SPATA13: variants seen among roughly 807,000 people sequenced by gnomAD.
SPATA13 encodes spermatogenesis associated 13, also known as spermatogenesis-associated protein 13.
Under a neutral mutation model 104.0 loss-of-function variants are expected in SPATA13, and 50 were observed. That is an observed-to-expected ratio of 0.48 (90% confidence interval 0.38 to 0.61). SPATA13 has a LOEUF of 0.61. Ranked by LOEUF, SPATA13 falls within the 20% of genes least tolerant of loss-of-function variation. SPATA13 has a pLI of 0.00. For missense variants in SPATA13, 1,524 were observed against 1,690.6 expected (o/e 0.90, Z 1.73); for synonymous variants, 606 against 667.5 (o/e 0.91, Z 1.42).
intron 2 of SPATA13, among the ~76,000 whole-genome samples, chr13:24,241,646 G>C (rs1425906051): frequency 6.6e-6 from 1 of 152,228 alleles, no homozygotes; most frequent in Non-Finnish European, 1.5e-5. Flanking sequence ...CCCACCTGGT[G>C]GTTGGCCCCG....
At chr13:24,108,008 G>A (rs1466333069) in intron 3 of SPATA13, among the ~76,000 whole-genome samples, 1 of 152,196 alleles carries the variant, frequency 6.6e-6, no homozygotes, top group Non-Finnish European at 1.5e-5. Context: ...TCTCAGTTCT[G>A]GAGTCTGGGA....
chr13:24,244,851 G>A lies in SPATA13; in HGVS notation c.1654-4626G>A, dbSNP rs188795141. ...GCCTGGGCAACAGAGTGAGACTGTCGCAAAATAAATAAATAAAATAAAATA... is the reference window on the plus strand; with the variant it reads ...GCCTGGGCAACAGAGTGAGACTGTCACAAAATAAATAAATAAAATAAAATA... On this transcript the variant is annotated intron_variant, in intron 2 of 12. Transcript: ENST00000382108. 1.2e-3 allele frequency among the ~76,000 whole-genome samples: 178 copies of A among 152,272 alleles called. 1 individual carries two copies. The highest frequency in any genetic ancestry group is 2.3e-3 in the Admixed American group (35 of 15,300).
chr13:24,255,764 A>G (rs1873760798), intron 4 of SPATA13, among the ~76,000 whole-genome samples: 1 of 152,138 alleles, frequency 6.6e-6, no homozygotes, highest in Admixed American at 6.5e-5. Context: ...CTTCCTTTCT[A>G]TGCACTGAGG....
At chr13:24,217,464 A>T (rs1871318752) in intron 1 of SPATA13, among the ~76,000 whole-genome samples, 1 of 152,228 alleles carries the variant, frequency 6.6e-6, no homozygotes, top group Admixed American at 6.5e-5. Flanking sequence ...CCCTTCAGCC[A>T]GTCATTCAAC....
chr13:24,195,845 G>C (rs1870025576), intron 1 of SPATA13, among the ~76,000 whole-genome samples: 1 of 152,178 alleles, frequency 6.6e-6, no homozygotes, highest in African/African-American at 2.4e-5. Flanking sequence ...GACTAGAAAG[G>C]TTTAAGGGGG....
At position 24,122,644 on chromosome 13, in the gene SPATA13, A is replaced by G. The variant is rs568137145; in HGVS notation, c.-111-100175A>G. On this transcript the variant is annotated intron_variant, in intron 3 of 14. Transcript: ENST00000424834. ...GTAAGAACCTTTTTGCACATACTGT[A>G]TATCACTTCAAGATACTTGGTGACA... The G allele has an allele frequency of 1.3e-5, 16 of 1,198,198 alleles. No individual in the cohort carries two copies. The African/African-American group carries it at 1.7e-4, about 13-fold the overall frequency. The allele number at this position is 1,198,198 out of a possible 1,614,324, so 74.2% of individuals were successfully genotyped here. A position where few individuals can be genotyped will look rare whatever the true frequency, so the allele number is the denominator to read the frequency against.
At chr13:24,281,654 C>T (rs1875533124) in intron 4 of SPATA13, among the ~76,000 whole-genome samples, 1 of 152,122 alleles carries the variant, frequency 6.6e-6, no homozygotes, top group African/African-American at 2.4e-5. Context: ...CTGAGAGGGG[C>T]ACCCCAGGCA....
At chr13:24,253,940 G>A (rs1305057851) in intron 4 of SPATA13, among the ~76,000 whole-genome samples, 1 of 152,152 alleles carries the variant, frequency 6.6e-6, no homozygotes, top group Admixed American at 6.5e-5. Context: ...TCATGAGGAG[G>A]CTGAGCTTGT....
At chr13:24,195,517 A>G (rs1041110506) in intron 1 of SPATA13, among the ~76,000 whole-genome samples, 4 of 152,130 alleles carry the variant, frequency 2.6e-5, no homozygotes, top group African/African-American at 7.2e-5. Flanking sequence ...TATTTTTAGG[A>G]ACTGCCAAAT....
intron 1 of SPATA13, among the ~76,000 whole-genome samples, chr13:24,203,314 C>T (rs928968159): frequency 3.3e-5 from 5 of 151,884 alleles, no homozygotes; most frequent in East Asian, 1.9e-4. Flanking sequence ...ATTACCCTGA[C>T]GGTAATTTAG....
chr13:24,276,462 T>C (rs1874988927), intron 4 of SPATA13, among the ~76,000 whole-genome samples: 1 of 152,158 alleles, frequency 6.6e-6, no homozygotes, highest in African/African-American at 2.4e-5. Context: ...GTCAACATCA[T>C]AGAAACAGAA....
intron 3 of SPATA13, among the ~76,000 whole-genome samples, chr13:24,048,705 T>A (rs1466124829): frequency 1.3e-5 from 2 of 152,016 alleles, no homozygotes; most frequent in Admixed American, 6.6e-5. Context: ...ATAAATTGTA[T>A]AAAGACCCAA....
chr13:24,195,245 A>AT (rs113803486), intron 1 of SPATA13, among the ~76,000 whole-genome samples: 5,849 of 152,192 alleles, frequency 0.038, 401 homozygotes, highest in African/African-American at 0.13. Context: ...CTTAGATAAT[A>AT]TTTTCAGTGT....
intron 3 of SPATA13, among the ~76,000 whole-genome samples, chr13:24,038,249 C>G (rs1315054161): frequency 6.6e-6 from 1 of 152,134 alleles, no homozygotes; most frequent in Non-Finnish European, 1.5e-5. Flanking sequence ...ATACTGTGGT[C>G]TTTTTTACAG....
At chr13:24,209,861 G>C (rs1269751022) in intron 1 of SPATA13, among the ~76,000 whole-genome samples, 1 of 152,154 alleles carries the variant, frequency 6.6e-6, no homozygotes, top group Admixed American at 6.5e-5. Flanking sequence ...CACAGGGGCT[G>C]TACTAATTCA....
At chr13:24,004,181 C>T (rs1243264282) in intron 2 of SPATA13, among the ~76,000 whole-genome samples, 1 of 152,008 alleles carries the variant, frequency 6.6e-6, no homozygotes, top group Admixed American at 6.5e-5. Flanking sequence ...TCATGAACCC[C>T]GAGTTTGTAA....
intron 4 of SPATA13, among the ~76,000 whole-genome samples, chr13:24,256,331 G>T (rs2138672073): frequency 6.6e-6 from 1 of 152,274 alleles, no homozygotes; most frequent in South Asian, 2.1e-4. Context: ...TAGAAGAGAG[G>T]ATTCAAATGT....
chr13:24,085,639 T>C (rs1476932210), intron 3 of SPATA13, among the ~76,000 whole-genome samples: 1 of 152,200 alleles, frequency 6.6e-6, no homozygotes, highest in African/African-American at 2.4e-5. Flanking sequence ...TTTACCTGAC[T>C]TTACTCACTT....
At chr13:24,293,956 G>A (rs17080605) in intron 9 of SPATA13, among the ~76,000 whole-genome samples, 1,585 of 152,302 alleles carry the variant, frequency 0.01, 21 homozygotes, top group African/African-American at 0.037. Context: ...AAGTTGCCAC[G>A]GGAAAGCGGA....
Sources: allele counts gnomAD v4.1 joint callset (sites outside exome capture counted in the v4.1 genomes callset), GRCh38; gene constraint gnomAD v4.1.1; transcripts MANE v1.5; gene names NCBI Gene and HGNC (gene_info 2026-07-23, HGNC 2026-07-21).